Variants in CCDC7 observed in about 807,000 individuals in gnomAD.
The protein encoded by CCDC7 is coiled-coil domain-containing protein 7.
Under a neutral mutation model 196.9 loss-of-function variants are expected in CCDC7, and 183 were observed. That is an observed-to-expected ratio of 0.93 (90% CI 0.82 to 1.05). The LOEUF (loss-of-function observed/expected upper bound fraction) is 1.05. Among genes scored for constraint, CCDC7 ranks in the 50% least tolerant of loss-of-function variants. CCDC7 has a pLI of 0.00. For missense variants in CCDC7, 1,540 were observed against 1,482.2 expected (o/e 1.04, Z -0.64); for synonymous variants, 525 against 484.6 (o/e 1.08, Z -1.10).
intron 18 of CCDC7, among the ~76,000 whole-genome samples, chr10:32,589,704 A>T (rs913849808): frequency 6.6e-6 from 1 of 152,096 alleles, no homozygotes; most frequent in Non-Finnish European, 1.5e-5. Flanking sequence ...AGCTTTAATA[A>T]CATTTGCTTT....
At chr10:32,634,909 C>T (rs1036707930) in intron 19 of CCDC7, 148 bp from the exon 21 acceptor site, 22 of 390,852 alleles carry the variant, frequency 5.6e-5, no homozygotes, top group African/African-American at 4.3e-4. Context: ...TGAGAATTTT[C>T]TGCTTCGCAT....
At chr10:32,760,726 C>A (rs1252627528) in intron 28 of CCDC7, among the ~76,000 whole-genome samples, 2 of 151,358 alleles carry the variant, frequency 1.3e-5, no homozygotes, top group Non-Finnish European at 2.9e-5. Flanking sequence ...GCACATGTAC[C>A]CTAAACCTTA....
chr10:32,547,434 G>C (rs2052656496), intron 13 of CCDC7, among the ~76,000 whole-genome samples: 1 of 151,974 alleles, frequency 6.6e-6, no homozygotes, highest in South Asian at 2.1e-4. Context: ...CCTAATAAAG[G>C]GAGTGGCATC....
rs372789457 is a variant in CCDC7, at chr10:32,491,947, A to C, written c.822A>C (p.Arg274=). Reference sequence around the variant, plus strand: ...AAACTGCTCATTCAATGACTAATCGATTTAATGCCATGTTGAAAGTATTTG... The same window carrying C: ...AAACTGCTCATTCAATGACTAATCGCTTTAATGCCATGTTGAAAGTATTTG... The change falls in exon 9 of 42, where the codon CGA becomes CGC. Residue 274 remains arginine, a synonymous_variant. Transcript: ENST00000639629. The C allele has an allele frequency of 1.6e-5, 26 of 1,579,264 alleles. No homozygotes were observed. The African/African-American group carries it at 2.3e-4, about 14-fold the overall frequency.
intron 18 of CCDC7, among the ~76,000 whole-genome samples, chr10:32,625,497 T>C (rs1042045487): frequency 4.6e-5 from 7 of 152,136 alleles, no homozygotes; most frequent in African/African-American, 1.7e-4. Flanking sequence ...TATTATGGGG[T>C]ATAAAGCAAT....
rs2063315315 is a variant in CCDC7, at chr10:32,620,664, T to G, written c.1802-13590T>G. 3.9e-5 allele frequency among the ~76,000 whole-genome samples: 6 copies of G among 152,296 alleles called. No homozygotes were observed. In the South Asian group the frequency reaches 1.2e-3, roughly 32 times the overall value. On this transcript the variant is annotated intron_variant, in intron 18 of 41. Coordinates refer to ENST00000639629, the Ensembl canonical transcript of CCDC7. ...TGATTTTGTATTTATATTTAAGAAC[T>G]TTTCCACTGTCCAGCCATGGCTGAC...
At chr10:32,805,213 C>A in intron 30 of CCDC7, 115 bp downstream of exon 31, 1 of 690,090 alleles carries the variant, frequency 1.4e-6, no homozygotes, top group Non-Finnish European at 2.5e-6. Context: ...GGCACAGGTT[C>A]TCATGAATAC....
At chr10:32,860,834 C>A (rs1018943976) in intron 41 of CCDC7, among the ~76,000 whole-genome samples, 4 of 152,050 alleles carry the variant, frequency 2.6e-5, no homozygotes, top group Non-Finnish European at 5.9e-5. Flanking sequence ...AATCAAATAC[C>A]TAGGAATCCA....
intron 18 of CCDC7, among the ~76,000 whole-genome samples, chr10:32,605,472 G>A (rs1020573346): frequency 3.3e-5 from 5 of 152,150 alleles, no homozygotes; most frequent in Non-Finnish European, 5.9e-5. Context: ...GAGGGAGTTT[G>A]GAACTTCGTA....
At chr10:32,652,050 C>T (rs904478269) in intron 20 of CCDC7, among the ~76,000 whole-genome samples, 2 of 152,086 alleles carry the variant, frequency 1.3e-5, no homozygotes, top group African/African-American at 2.4e-5. Context: ...CACGTTCAAT[C>T]GCTTTTAGTC....
intron 18 of CCDC7, among the ~76,000 whole-genome samples, chr10:32,629,298 G>C (rs892857178): frequency 5.3e-5 from 8 of 151,836 alleles, no homozygotes; most frequent in Middle Eastern, 3.4e-3. Context: ...TTATTTTTTT[G>C]ATATAAGTAT....
chr10:32,739,866 C>CA (rs893562416), intron 28 of CCDC7, among the ~76,000 whole-genome samples: 2 of 151,738 alleles, frequency 1.3e-5, no homozygotes, highest in African/African-American at 4.8e-5. Flanking sequence ...TTGCCCCCCC[C>CA]CACCAAACTG....
chr10:32,659,268 C>T lies in CCDC7; in HGVS notation c.2015-4786C>T, dbSNP rs138918314. On this transcript the variant is annotated intron_variant, in intron 20 of 41. Coordinates refer to ENST00000639629, the Ensembl canonical transcript of CCDC7. ...TTATCTTGAGATATTTTTGATTTTCCTTTTTATTTTCTCATTGACTCATTG... is the reference window on the plus strand; with the variant it reads ...TTATCTTGAGATATTTTTGATTTTCTTTTTTATTTTCTCATTGACTCATTG... Among the ~76,000 whole-genome samples, 912 of 151,964 alleles carry T rather than the reference C, an allele frequency of 6.0e-3. 9 individuals are homozygous for T. Among genetic ancestry groups the T allele is most frequent in the African/African-American group, 0.021 (868 of 41,452 alleles).
At chr10:32,501,484 CTT>C (rs1350096130) in intron 9 of CCDC7, among the ~76,000 whole-genome samples, 1 of 152,104 alleles carries the variant, frequency 6.6e-6, no homozygotes, top group African/African-American at 2.4e-5. Flanking sequence ...AATTTTCAGC[CTT>C]TTTGCGCTGG....
At chr10:32,714,561 C>T (rs2081305333) in intron 25 of CCDC7, among the ~76,000 whole-genome samples, 1 of 152,154 alleles carries the variant, frequency 6.6e-6, no homozygotes, top group Non-Finnish European at 1.5e-5. Flanking sequence ...ACCATTCGCT[C>T]CCCTGGAAAG....
intron 31 of CCDC7, among the ~76,000 whole-genome samples, chr10:32,819,660 A>G (rs2089725050): frequency 6.6e-6 from 1 of 152,250 alleles, no homozygotes; most frequent in Non-Finnish European, 1.5e-5. Flanking sequence ...AGCTGGTTCA[A>G]AATATGCAAA....
At chr10:32,482,757 T>A (rs1385484058) in intron 8 of CCDC7, among the ~76,000 whole-genome samples, 1 of 152,204 alleles carries the variant, frequency 6.6e-6, no homozygotes. Flanking sequence ...TGTTTGGTTT[T>A]TTGTCCTTGC....
chr10:32,567,656 T>C lies in CCDC7; in HGVS notation c.1198-14T>C. 1 of 1,598,588 alleles carries C rather than the reference T, an allele frequency of 6.3e-7. No homozygotes were observed. The highest frequency in any genetic ancestry group is 8.5e-7 in the Non-Finnish European group (1 of 1,174,202). Reference sequence around the variant, plus strand: ...CAGAAAATGCTTAATAAACTGGTACTTTTTTAAAAACAGGAAGCTGAAAAA... The same window carrying C: ...CAGAAAATGCTTAATAAACTGGTACCTTTTTAAAAACAGGAAGCTGAAAAA... On this transcript the variant is annotated splice_polypyrimidine_tract_variant and intron_variant, in intron 14 of 41. Transcript: ENST00000639629.
At chr10:32,854,784 A>G (rs986869561) in intron 41 of CCDC7, among the ~76,000 whole-genome samples, 1 of 152,204 alleles carries the variant, frequency 6.6e-6, no homozygotes, top group African/African-American at 2.4e-5. Flanking sequence ...ATGATATTCT[A>G]TGATGTGAAT....
Sources: allele counts gnomAD v4.1 joint callset (sites outside exome capture counted in the v4.1 genomes callset), GRCh38; gene constraint gnomAD v4.1.1; transcripts MANE v1.5; gene names NCBI Gene and HGNC (gene_info 2026-07-23, HGNC 2026-07-21).